Variants in UVRAG observed in about 807,000 individuals in gnomAD.
UVRAG encodes UV radiation resistance-associated gene protein.
Under a neutral mutation model 78.0 loss-of-function variants are expected in UVRAG, and 19 were observed. That is an observed-to-expected ratio of 0.24 (90% confidence interval 0.17 to 0.36). UVRAG has a LOEUF of 0.36. Among genes scored for constraint, UVRAG ranks in the 10% least tolerant of loss-of-function variants. The probability of loss-of-function intolerance (pLI) is 1.00; values close to 1 mark genes in which losing one functional copy is unlikely to be tolerated. For missense variants in UVRAG, 740 were observed against 853.8 expected (o/e 0.87, Z 1.66); for synonymous variants, 323 against 324.6 (o/e 1.00, Z 0.05).
At chr11:75,916,541 T>G (rs1392088735) in intron 6 of UVRAG, 1 of 152,268 alleles carries the variant, frequency 6.6e-6, no homozygotes, top group East Asian at 1.9e-4. Context: ...TCCCCAGCAT[T>G]CTAGTGTTTT....
At chr11:75,970,318 C>T (rs1383358950) in intron 7 of UVRAG, among the ~76,000 whole-genome samples, 1 of 152,220 alleles carries the variant, frequency 6.6e-6, no homozygotes, top group East Asian at 1.9e-4. Flanking sequence ...AATTGTATCT[C>T]TGGCTGGTAG....
chr11:75,924,903 T>A (rs896920161), intron 6 of UVRAG, among the ~76,000 whole-genome samples: 6 of 152,164 alleles, frequency 3.9e-5, no homozygotes, highest in Non-Finnish European at 8.8e-5. Flanking sequence ...AACTTTTGGC[T>A]TAGAGCAAAA....
intron 5 of UVRAG, among the ~76,000 whole-genome samples, chr11:75,909,480 T>C (rs1205249371): frequency 1.3e-5 from 2 of 151,764 alleles, no homozygotes; most frequent in African/African-American, 4.8e-5. Context: ...TCAGAACTTG[T>C]TTAAAAAAAA....
At chr11:76,039,048 G>C (rs888345691) in intron 12 of UVRAG, among the ~76,000 whole-genome samples, 3 of 152,212 alleles carry the variant, frequency 2.0e-5, no homozygotes, top group African/African-American at 7.2e-5. Context: ...TAGTAAATGA[G>C]TGTTTTAAGC....
chr11:75,935,702 G>A (rs1948359289), intron 6 of UVRAG, among the ~76,000 whole-genome samples: 1 of 151,960 alleles, frequency 6.6e-6, no homozygotes, highest in Non-Finnish European at 1.5e-5. Context: ...ATAGTATAAA[G>A]AGCTTTCCCC....
chr11:76,042,831 T>G (rs1950675447), intron 12 of UVRAG, among the ~76,000 whole-genome samples: 2 of 152,208 alleles, frequency 1.3e-5, no homozygotes, highest in South Asian at 4.1e-4. Context: ...GAGAAAAGTC[T>G]GCCATTTTCT....
chr11:76,139,329 G>A (rs907507699), intron 14 of UVRAG, among the ~76,000 whole-genome samples: 1 of 152,176 alleles, frequency 6.6e-6, no homozygotes, highest in Non-Finnish European at 1.5e-5. Context: ...GGCACTTCTT[G>A]CTATTGTAAT....
At chr11:76,108,234 A>G (rs953802813) in intron 13 of UVRAG, among the ~76,000 whole-genome samples, 1 of 152,080 alleles carries the variant, frequency 6.6e-6, no homozygotes, top group Admixed American at 6.6e-5. Context: ...CTGTGCCAAA[A>G]CCGAAATGAC....
intron 2 of UVRAG, 32 bp downstream of exon 2, chr11:75,852,032 A>T: frequency 6.9e-7 from 1 of 1,439,106 alleles, no homozygotes; most frequent in Non-Finnish European, 9.5e-7. Context: ...CTACCCACAG[A>T]TTGTTATATT....
intron 8 of UVRAG, among the ~76,000 whole-genome samples, chr11:75,987,256 A>G (rs780081699): frequency 6.6e-6 from 1 of 152,128 alleles, no homozygotes; most frequent in Non-Finnish European, 1.5e-5. Context: ...TTTCTCACCA[A>G]TATCTGTTAT....
rs748081103 is a variant in UVRAG at position 76,115,930 on chromosome 11, T to C, written c.1312T>C (p.Tyr438His). Residue 438 changes from tyrosine (Y) to histidine (H), a missense_variant, in exon 14 of 15, where the codon TAT becomes CAT. Tyr to His is a moderately conservative substitution (Grantham distance 83). Coordinates refer to ENST00000356136, the MANE Select transcript of UVRAG (RefSeq NM_003369.4). ...LLNKNIAQLR[Y>H]QHGLGTPDLR... ...TATTTTTTCACCTTCACAGCTAAGA[T>C]ATCAACATGGACTAGGGACTCCAGA... is the stretch of plus-strand genomic sequence containing the variant. The C allele has an allele frequency of 1.2e-6, 2 of 1,613,746 alleles. No individual in the cohort carries two copies. The highest frequency in any genetic ancestry group is 1.7e-6 in the Non-Finnish European group (2 of 1,179,818).
intron 8 of UVRAG, among the ~76,000 whole-genome samples, chr11:75,986,381 T>A (rs1019927742): frequency 6.6e-6 from 1 of 152,166 alleles, no homozygotes; most frequent in Non-Finnish European, 1.5e-5. Context: ...TAGTTTTTTT[T>A]AAGTGGTATT....
At chr11:75,906,589 C>A (rs1313513572) in intron 5 of UVRAG, among the ~76,000 whole-genome samples, 1 of 152,192 alleles carries the variant, frequency 6.6e-6, no homozygotes, top group Non-Finnish European at 1.5e-5. Context: ...CTCAAGTGAT[C>A]TGCCCACCTC....
At chr11:76,010,660 A>G (rs758119219) in intron 11 of UVRAG, among the ~76,000 whole-genome samples, 3 of 152,162 alleles carry the variant, frequency 2.0e-5, no homozygotes, top group Non-Finnish European at 4.4e-5. Context: ...TAAGATATCT[A>G]TATCTGTAAT....
chr11:76,026,972 A>G (rs1206951986), intron 12 of UVRAG, among the ~76,000 whole-genome samples: 1 of 147,252 alleles, frequency 6.8e-6, no homozygotes, highest in Admixed American at 6.8e-5. Flanking sequence ...AATCAAGGTG[A>G]AAAAAAAAAA....
intron 8 of UVRAG, among the ~76,000 whole-genome samples, chr11:75,999,121 T>C (rs1424229954): frequency 1.3e-5 from 2 of 151,370 alleles, no homozygotes; most frequent in Non-Finnish European, 2.9e-5. Flanking sequence ...TAATCCCAGC[T>C]ACTGGGGAGG....
chr11:76,025,828 T>C (rs1392478553), intron 12 of UVRAG, among the ~76,000 whole-genome samples: 1 of 152,146 alleles, frequency 6.6e-6, no homozygotes, highest in African/African-American at 2.4e-5. Flanking sequence ...TTTTTGTGAC[T>C]AGGTGCATAA....
At chr11:75,960,702 G>A (rs1948893424) in intron 6 of UVRAG, among the ~76,000 whole-genome samples, 1 of 152,158 alleles carries the variant, frequency 6.6e-6, no homozygotes, top group South Asian at 2.1e-4. Flanking sequence ...GGGAGGTCAA[G>A]GCTGCAGTGA....
At chr11:76,092,856 T>A (rs1174923956) in intron 13 of UVRAG, among the ~76,000 whole-genome samples, 10 of 152,290 alleles carry the variant, frequency 6.6e-5, no homozygotes, top group African/African-American at 1.7e-4. Flanking sequence ...CCCATTTGTC[T>A]ATTTTGGCTT....
Sources: allele counts gnomAD v4.1 joint callset (sites outside exome capture counted in the v4.1 genomes callset), GRCh38; gene constraint gnomAD v4.1.1; transcripts MANE v1.5; gene names NCBI Gene and HGNC (gene_info 2026-07-23, HGNC 2026-07-21).